RBL1: variants seen among roughly 807,000 people sequenced by gnomAD.
The protein encoded by RBL1 is retinoblastoma-like protein 1.
A neutral mutation model predicts 123.0 loss-of-function variants in RBL1; 82 were observed. The observed-to-expected ratio is 0.67, with a 90% confidence interval of 0.56 to 0.80. The LOEUF (loss-of-function observed/expected upper bound fraction) is 0.80. Ranked by LOEUF, RBL1 falls within the 30% of genes least tolerant of loss-of-function variation. The probability of loss-of-function intolerance (pLI) is 0.00; values close to 1 mark genes in which losing one functional copy is unlikely to be tolerated. For synonymous variants in RBL1, 405 were observed against 441.3 expected, an observed-to-expected ratio of 0.92 and a Z score of 1.03; for missense variants, 1,171 against 1,299.6, an observed-to-expected ratio of 0.90 and a Z score of 1.52.
At chr20:37,045,523 T>TGA (rs1259888244) in intron 12 of RBL1, among the ~76,000 whole-genome samples, 1 of 151,306 alleles carries the variant, frequency 6.6e-6, no homozygotes, top group Non-Finnish European at 1.5e-5. Context: ...GAGGCCACAG[T>TGA]GAGAGGATTG....
chr20:37,076,988 G>A (rs2065374030), intron 2 of RBL1, among the ~76,000 whole-genome samples: 1 of 149,042 alleles, frequency 6.7e-6, no homozygotes, highest in African/African-American at 2.5e-5. Context: ...CCAGGCTGGA[G>A]TGCAGTGGCA....
chr20:37,068,996 G>A lies in RBL1; in HGVS notation c.291-810C>T, dbSNP rs539041794. ...GCCGAGTGCCTGCGATTGCAGGCTC[G>A]GGCCGCCACGCCTGACTGGTTTTGG... On this transcript the variant is annotated intron_variant, in intron 2 of 21. Coordinates refer to ENST00000373664, the MANE Select transcript of RBL1 (RefSeq NM_002895.5). Among the ~76,000 whole-genome samples the A allele has an allele frequency of 1.1e-4, 17 of 152,342 alleles. No homozygotes were observed. In the South Asian group the frequency reaches 3.5e-3, roughly 32 times the overall value.
At chr20:37,019,735 G>C (rs1015961877) in intron 18 of RBL1, among the ~76,000 whole-genome samples, 1 of 152,148 alleles carries the variant, frequency 6.6e-6, no homozygotes, top group African/African-American at 2.4e-5. Flanking sequence ...AGGCCATTAT[G>C]CTTCCTAAGA....
At chr20:37,078,964 G>A (rs901126945) in intron 2 of RBL1, among the ~76,000 whole-genome samples, 4 of 151,984 alleles carry the variant, frequency 2.6e-5, no homozygotes, top group African/African-American at 4.8e-5. Flanking sequence ...TTAGGAGGCC[G>A]AGGCAGGCAG....
intron 2 of RBL1, among the ~76,000 whole-genome samples, chr20:37,087,869 T>C (rs907132945): frequency 2.0e-5 from 3 of 152,348 alleles, no homozygotes; most frequent in Non-Finnish European, 4.4e-5. Context: ...TTGCTGAAGT[T>C]GGTAGCTGTA....
intron 19 of RBL1, among the ~76,000 whole-genome samples, chr20:37,008,511 GA>G (rs1288566989): frequency 6.6e-6 from 1 of 152,168 alleles, no homozygotes; most frequent in Non-Finnish European, 1.5e-5. Flanking sequence ...GATAGCTTGT[GA>G]AACCAGGCAG....
At chr20:37,095,305 T>G (rs2065715658) in intron 1 of RBL1, among the ~76,000 whole-genome samples, 1 of 152,186 alleles carries the variant, frequency 6.6e-6, no homozygotes, top group Admixed American at 6.5e-5. Context: ...TCTAACCGTG[T>G]GACCTTGGGC....
At chr20:37,021,015 A>G (rs1370347501) in intron 17 of RBL1, among the ~76,000 whole-genome samples, 3 of 152,242 alleles carry the variant, frequency 2.0e-5, no homozygotes, top group Non-Finnish European at 1.5e-5. Context: ...AAAAAGATAT[A>G]AGAAAACTCA....
chr20:37,015,590 C>T (rs1688130923), intron 19 of RBL1, among the ~76,000 whole-genome samples: 1 of 152,070 alleles, frequency 6.6e-6, no homozygotes, highest in Non-Finnish European at 1.5e-5. Context: ...GCCACCACGC[C>T]CGGAGAATTT....
intron 19 of RBL1, among the ~76,000 whole-genome samples, chr20:37,017,546 T>C (rs529180073): frequency 6.6e-6 from 1 of 152,080 alleles, no homozygotes; most frequent in South Asian, 2.1e-4. Flanking sequence ...AGCATGATGG[T>C]GGCAAGAGGG....
intron 18 of RBL1, among the ~76,000 whole-genome samples, chr20:37,020,224 G>A (rs1270611299): frequency 6.6e-6 from 1 of 151,888 alleles, no homozygotes; most frequent in African/African-American, 2.4e-5. Context: ...GAGTAGCAGG[G>A]ATTATAGGCG....
chr20:37,031,320 C>T (rs1371526925), intron 16 of RBL1, among the ~76,000 whole-genome samples: 1 of 151,916 alleles, frequency 6.6e-6, no homozygotes, highest in Non-Finnish European at 1.5e-5. Flanking sequence ...ATCTAGAATA[C>T]ATAAAGAACT....
chr20:37,059,900 C>A (rs890551289), intron 9 of RBL1, among the ~76,000 whole-genome samples: 1 of 151,482 alleles, frequency 6.6e-6, no homozygotes, highest in African/African-American at 2.4e-5. Context: ...GGGCTGGGCG[C>A]GGTGGCTCAC....
At chr20:37,013,776 A>G (rs1275805394) in intron 19 of RBL1, among the ~76,000 whole-genome samples, 1 of 152,052 alleles carries the variant, frequency 6.6e-6, no homozygotes, top group Non-Finnish European at 1.5e-5. Context: ...GGTTGACTGA[A>G]TCCTGCATCT....
At chr20:37,060,296 A>G (rs1429564821) in intron 9 of RBL1, among the ~76,000 whole-genome samples, 1 of 152,128 alleles carries the variant, frequency 6.6e-6, no homozygotes, top group African/African-American at 2.4e-5. Flanking sequence ...AAGTTAATGT[A>G]TGTCCTTATA....
rs1453860903 is a variant in RBL1, at chr20:37,035,519, AT to A, written c.1904-12del. ...ACAATGGTTGCATATCTAAAAAAAA[AT>A]AATAAATTTAAAACAGAAATGTATT... On this transcript the variant is annotated splice_polypyrimidine_tract_variant and intron_variant, in intron 14 of 21. Coordinates refer to ENST00000373664, the MANE Select transcript of RBL1 (RefSeq NM_002895.5). 11 of 1,532,462 alleles carry A rather than the reference AT, an allele frequency of 7.2e-6. No homozygotes were observed. Among genetic ancestry groups the A allele is most frequent in the African/African-American group, 1.4e-5 (1 of 70,776 alleles). 94.9% of individuals were successfully genotyped at this position (1,532,462 alleles called of 1,614,324 possible).
At chr20:37,069,083 G>T (rs865820362) in intron 2 of RBL1, among the ~76,000 whole-genome samples, 1 of 152,254 alleles carries the variant, frequency 6.6e-6, no homozygotes. Context: ...CAAGTGATCC[G>T]CCAGCCTCGG....
chr20:37,027,013 C>CAA (rs1241447067), intron 16 of RBL1, among the ~76,000 whole-genome samples: 4 of 140,098 alleles, frequency 2.9e-5, no homozygotes, highest in African/African-American at 1.0e-4. Flanking sequence ...AAAAAAACAA[C>CAA]AAAAAAAAAC....
chr20:37,064,119 G>A lies in RBL1; in HGVS notation c.896+1305C>T, dbSNP rs561899911. On this transcript the variant is annotated intron_variant, in intron 7 of 21. Coordinates refer to ENST00000373664, the MANE Select transcript of RBL1 (RefSeq NM_002895.5). ...ATTACAGGTGTGAGCCACTGTGCCC[G>A]GCCTTAATTTCTTTTCTTTCTTTTT... is the stretch of plus-strand genomic sequence containing the variant. Among the ~76,000 whole-genome samples, 97 of 150,782 alleles carry A rather than the reference G, an allele frequency of 6.4e-4. 1 individual carries two copies. The highest frequency in any genetic ancestry group is 4.9e-5 in the African/African-American group (2 of 41,022).
Sources: gnomAD v4.1 joint callset for allele counts (sites outside exome capture counted in the v4.1 genomes callset) on GRCh38, gnomAD v4.1.1 for gene constraint, MANE v1.5 for transcripts, NCBI Gene and HGNC (gene_info 2026-07-23, HGNC 2026-07-21) for gene names.